Variants in NAA25 observed in about 807,000 individuals in gnomAD.
The protein encoded by NAA25 is N-terminal acetyltransferase B complex subunit NAA25.
A neutral mutation model predicts 132.5 loss-of-function variants in NAA25; 30 were observed. That is an observed-to-expected ratio of 0.23 (90% CI 0.17 to 0.31). The LOEUF (loss-of-function observed/expected upper bound fraction) is 0.31, where lower values mean the gene tolerates loss of function less well. NAA25 is among the 10% of genes least tolerant of loss of function. NAA25 has a pLI of 1.00. For missense variants in NAA25, 771 were observed against 1,150.4 expected (o/e 0.67, Z 4.77); for synonymous variants, 359 against 401.9 (o/e 0.89, Z 1.28).
At chr12:112,076,005 C>T (rs2078891153) in intron 7 of NAA25, among the ~76,000 whole-genome samples, 1 of 152,162 alleles carries the variant, frequency 6.6e-6, no homozygotes, top group African/African-American at 2.4e-5. Context: ...GTCTCAGCCT[C>T]CCAAGTAGCT....
At chr12:112,074,823 TAGGAA>T (rs2078872394) in intron 8 of NAA25, 59 bp from the exon 9 acceptor site, 1 of 1,147,480 alleles carries the variant, frequency 8.7e-7, no homozygotes, top group Non-Finnish European at 1.3e-6. Context: ...AGATCTTCCT[TAGGAA>T]CCATGATATT....
rs1424703657 is a variant in NAA25 at position 112,048,278 on chromosome 12, C to T, written c.1880+14G>A. ...AATCCCTTAGTTCCTTTATAGCTCTCATGCAATACTTACATATTTGCTTCA... is the reference window on the plus strand; with the variant it reads ...AATCCCTTAGTTCCTTTATAGCTCTTATGCAATACTTACATATTTGCTTCA... On this transcript the variant is annotated intron_variant, in intron 16 of 23. Transcript: ENST00000261745. The T allele has an allele frequency of 6.2e-7, 1 of 1,608,302 alleles. No homozygotes were observed. Among genetic ancestry groups the T allele is most frequent in the Admixed American group, 1.7e-5 (1 of 59,694 alleles).
At chr12:112,065,486 C>T (rs1004873111) in intron 11 of NAA25, 19 of 148,326 alleles carry the variant, frequency 1.3e-4, no homozygotes, top group East Asian at 5.9e-4. Flanking sequence ...GCAACAAGAA[C>T]GAAACTGTCT....
At chr12:112,053,234 C>A (rs1455137277) in intron 15 of NAA25, among the ~76,000 whole-genome samples, 1 of 152,158 alleles carries the variant, frequency 6.6e-6, no homozygotes, top group Non-Finnish European at 1.5e-5. Flanking sequence ...AGGCTATGAA[C>A]GCTTATGGAC....
At chr12:112,048,791 T>C (rs560673250) in intron 15 of NAA25, among the ~76,000 whole-genome samples, 1 of 152,272 alleles carries the variant, frequency 6.6e-6, no homozygotes, top group East Asian at 1.9e-4. Context: ...GGGATGTTAC[T>C]CCATGTTTTT....
At chr12:112,039,175 A>G in intron 22 of NAA25, 54 bp downstream of exon 22, 1 of 1,118,240 alleles carries the variant, frequency 8.9e-7, no homozygotes, top group South Asian at 1.6e-5. Context: ...TGAAAAGAAA[A>G]AGTAGCATGT....
intron 9 of NAA25, among the ~76,000 whole-genome samples, chr12:112,073,867 A>G (rs1287683262): frequency 6.6e-6 from 1 of 152,164 alleles, no homozygotes; most frequent in East Asian, 1.9e-4. Flanking sequence ...ATCAATAGGG[A>G]AAATGCTAAA....
chr12:112,062,561 C>T (rs1271064893), intron 11 of NAA25, among the ~76,000 whole-genome samples: 1 of 151,524 alleles, frequency 6.6e-6, no homozygotes, highest in Non-Finnish European at 1.5e-5. Flanking sequence ...CCTGTCTCTA[C>T]TAAAAATACA....
chr12:112,033,002 C>G (rs947258895), intron 23 of NAA25, among the ~76,000 whole-genome samples: 2 of 152,054 alleles, frequency 1.3e-5, no homozygotes, highest in Non-Finnish European at 2.9e-5. Context: ...AGTAAAAGAA[C>G]AACCCCAAAA....
intron 13 of NAA25, 45 bp from the exon 14 acceptor site, chr12:112,054,613 GA>G (rs766004981): frequency 1.9e-5 from 29 of 1,546,232 alleles, no homozygotes; most frequent in Non-Finnish European, 2.1e-5. Context: ...GACAGCAAAT[GA>G]AAGCTTCCCA....
rs200424451 is a variant in NAA25 at position 112,075,695 on chromosome 12, C to G, written c.759G>C (p.Arg253=). The stretch of plus-strand genomic sequence containing the variant: ...TTACTCACTTTTTTAGTAAGAGGCG[C>G]CGGGAAAGGGCATTGCACTCTGGCC... The part of the protein sequence containing the change: ...SRWPECNALS[R]RLLLKNSDDW... Residue 253 remains arginine, a synonymous_variant, in exon 8 of 24, where the codon CGG becomes CGC. Coordinates refer to ENST00000261745, the MANE Select transcript of NAA25 (RefSeq NM_024953.4). 4.3e-6 allele frequency: 7 copies of G among 1,613,758 alleles called. No individual in the cohort carries two copies. The African/African-American group carries it at 6.7e-5, about 15-fold the overall frequency.
At chr12:112,070,936 G>C (rs528533883) in intron 10 of NAA25, among the ~76,000 whole-genome samples, 3 of 152,216 alleles carry the variant, frequency 2.0e-5, no homozygotes, top group Admixed American at 1.3e-4. Context: ...TAGTAGAGAC[G>C]GTGTTTCACC....
chr12:112,033,196 G>A, intron 23 of NAA25, 37 bp downstream of exon 23: 2 of 1,569,366 alleles, frequency 1.3e-6, no homozygotes, highest in East Asian at 2.3e-5. Flanking sequence ...GTTTGTGTGT[G>A]TGTAGAAAAC....
intron 23 of NAA25, among the ~76,000 whole-genome samples, chr12:112,032,692 A>G (rs1306197497): frequency 1.3e-5 from 2 of 152,244 alleles, no homozygotes; most frequent in Non-Finnish European, 2.9e-5. Flanking sequence ...CAAAGGCTTT[A>G]TAAGGATTTT....
At chr12:112,071,839 TAG>T in intron 10 of NAA25, 54 bp downstream of exon 10, 1 of 1,114,144 alleles carries the variant, frequency 9.0e-7, no homozygotes, top group African/African-American at 2.6e-5. Context: ...CTAATGAATA[TAG>T]CACTTGGGTA....
At chr12:112,058,841 G>A (rs1221564454) in intron 13 of NAA25, among the ~76,000 whole-genome samples, 3 of 151,968 alleles carry the variant, frequency 2.0e-5, no homozygotes, top group Non-Finnish European at 2.9e-5. Flanking sequence ...GGCAGATAAC[G>A]AGGTCAGGTA....
intron 9 of NAA25, among the ~76,000 whole-genome samples, chr12:112,073,531 G>C (rs2078847254): frequency 6.6e-6 from 1 of 152,108 alleles, no homozygotes; most frequent in Non-Finnish European, 1.5e-5. Flanking sequence ...CCGCCTCCCG[G>C]GTTCACGCCA....
intron 4 of NAA25, among the ~76,000 whole-genome samples, chr12:112,081,908 G>A (rs913605338): frequency 4.6e-5 from 7 of 152,144 alleles, no homozygotes; most frequent in African/African-American, 1.4e-4. Flanking sequence ...ATTTAAAAGC[G>A]GGGGAGAAAA....
chr12:112,061,163 T>C lies in NAA25; in HGVS notation c.1357+18A>G. The C allele has an allele frequency of 1.3e-6, 2 of 1,523,820 alleles. No homozygotes were observed. The highest frequency in any genetic ancestry group is 1.8e-6 in the Non-Finnish European group (2 of 1,130,680). The allele number at this position is 1,523,820 out of a possible 1,614,324, so 94.4% of individuals were successfully genotyped here. ...GTGTAGATCAGGGAACTACTGCACA[T>C]TTTGAATGGTTGCTCACCAAATTCC... On this transcript the variant is annotated intron_variant, in intron 12 of 23. Coordinates refer to ENST00000261745, the MANE Select transcript of NAA25 (RefSeq NM_024953.4).
Sources: gnomAD v4.1 joint callset for allele counts (sites outside exome capture counted in the v4.1 genomes callset) on GRCh38, gnomAD v4.1.1 for gene constraint, MANE v1.5 for transcripts, NCBI Gene and HGNC (gene_info 2026-07-23, HGNC 2026-07-21) for gene names.